The following PEBP4 variants were observed in gnomAD, a reference collection of about 807,000 sequenced individuals.
The protein encoded by PEBP4 is phosphatidylethanolamine binding protein 4.
A neutral mutation model predicts 23.9 loss-of-function variants in PEBP4; 22 were observed. The observed-to-expected ratio is 0.92, with a 90% confidence interval of 0.66 to 1.31. The LOEUF (loss-of-function observed/expected upper bound fraction) is 1.31, where lower values mean the gene tolerates loss of function less well. PEBP4 is among the 40% of genes most tolerant of loss of function. PEBP4 has a pLI of 0.00. For missense variants in PEBP4, 324 were observed against 281.7 expected (o/e 1.15, Z -1.07); for synonymous variants, 112 against 99.3 (o/e 1.13, Z -0.76).
rs1180942992 is a variant in PEBP4, at chr8:22,775,026, A to C, written c.357+42611T>G. 2.6e-5 allele frequency among the ~76,000 whole-genome samples: 4 copies of C among 152,140 alleles called. No homozygotes were observed. The highest frequency in any genetic ancestry group is 2.6e-4 in the Admixed American group (4 of 15,292). ...AGAGATGCCACAGGCCAAGGGGCAA[A>C]GTGGTATCTGTGGAGCTGAGACCCA... On this transcript the variant is annotated intron_variant, in intron 4 of 6. Transcript: ENST00000256404. This position sits in a 1 kb window ranked among gnomAD's most constrained non-coding sequence, Gnocchi z 4.8.
intron 4 of PEBP4, among the ~76,000 whole-genome samples, chr8:22,749,861 C>A (rs1402790922): frequency 7.8e-6 from 1 of 128,442 alleles, no homozygotes; most frequent in Non-Finnish European, 1.6e-5. Context: ...GCCTGGAATG[C>A]AATGGCACGA....
chr8:22,840,162 TCA>T (rs779421504), intron 3 of PEBP4, among the ~76,000 whole-genome samples: 15 of 152,198 alleles, frequency 9.9e-5, no homozygotes, highest in Admixed American at 2.0e-4. Flanking sequence ...CTAACCGTGA[TCA>T]CAGTGTAAAA....
chr8:22,838,138 C>T (rs1435802473), intron 3 of PEBP4, among the ~76,000 whole-genome samples: 4 of 151,988 alleles, frequency 2.6e-5, no homozygotes, highest in Non-Finnish European at 5.9e-5. Flanking sequence ...TGGGCTCCAG[C>T]GATCCTCTCA....
rs1262148177 is a variant in PEBP4 at position 22,775,546 on chromosome 8, A to G, written c.357+42091T>C. The stretch of plus-strand genomic sequence containing the variant: ...GGGAAGCCAGCTGGCTGTGGGCTCT[A>G]TTTCTACTGACAAGGCTTTACCCTG... On this transcript the variant is annotated intron_variant, in intron 4 of 6. Transcript: ENST00000256404. This position sits in a 1 kb window ranked among gnomAD's most constrained non-coding sequence, Gnocchi z 4.8. 6.6e-6 allele frequency among the ~76,000 whole-genome samples: 1 copy of G among 152,038 alleles called. No homozygotes were observed. The highest frequency in any genetic ancestry group is 1.5e-5 in the Non-Finnish European group (1 of 68,004).
intron 2 of PEBP4, among the ~76,000 whole-genome samples, chr8:22,925,563 G>A (rs1809309105): frequency 6.6e-6 from 1 of 152,184 alleles, no homozygotes; most frequent in Non-Finnish European, 1.5e-5. Flanking sequence ...AGAGCACCTG[G>A]CACACAGAAG....
rs33911395 is a variant in PEBP4 at position 22,795,163 on chromosome 8, A to ATTTTTTTTTTTTTTTTT, written c.357+22457_357+22473dup. On this transcript the variant is annotated intron_variant, in intron 4 of 6. Coordinates refer to ENST00000256404, the MANE Select transcript of PEBP4 (RefSeq NM_144962.3). Reference sequence around the variant, plus strand: ...TGTGTGTATATATATATATATATATATTTTTTTTTTTTTTTTTTTTTTTTT... The same window carrying ATTTTTTTTTTTTTTTTT: ...TGTGTGTATATATATATATATATATATTTTTTTTTTTTTTTTTTTTTTTTTTTTTTTTTTTTTTTTTT... Among the ~76,000 whole-genome samples, 3 of 47,346 alleles carry ATTTTTTTTTTTTTTTTT rather than the reference A, an allele frequency of 6.3e-5. 1 individual carries two copies. Among genetic ancestry groups the ATTTTTTTTTTTTTTTTT allele is most frequent in the Non-Finnish European group, 1.0e-4 (3 of 29,362 alleles). The allele number at this position is 47,346 out of a possible 152,430, so 31.1% of individuals were successfully genotyped here. A position where few individuals can be genotyped will look rare whatever the true frequency, so the allele number is the denominator to read the frequency against.
chr8:22,727,111 T>C (rs941733137), intron 5 of PEBP4, 64 bp downstream of exon 5: 2 of 1,577,958 alleles, frequency 1.3e-6, no homozygotes, highest in African/African-American at 2.7e-5. Context: ...ACCATGAGGT[T>C]TTGATTCCTG....
At chr8:22,867,841 CT>C (rs1156857398) in intron 3 of PEBP4, among the ~76,000 whole-genome samples, 1 of 152,166 alleles carries the variant, frequency 6.6e-6, no homozygotes, top group Non-Finnish European at 1.5e-5. Flanking sequence ...GGGCAGTTGA[CT>C]GGATTTCAGG....
At chr8:22,927,460 G>A (rs1048187156) in intron 2 of PEBP4, 124 bp downstream of exon 2, 23 of 1,232,480 alleles carry the variant, frequency 1.9e-5, no homozygotes, top group Admixed American at 2.5e-5. Flanking sequence ...TCTGACACGT[G>A]TTCTGCCTTC....
At chr8:22,807,806 T>TATCC (rs970387238) in intron 4 of PEBP4, among the ~76,000 whole-genome samples, 4 of 151,920 alleles carry the variant, frequency 2.6e-5, no homozygotes, top group African/African-American at 9.7e-5. Context: ...TCCATCCATT[T>TATCC]ATCCATCCAT....
chr8:22,924,038 G>T (rs535798698), intron 2 of PEBP4, among the ~76,000 whole-genome samples: 1 of 152,164 alleles, frequency 6.6e-6, no homozygotes, highest in Non-Finnish European at 1.5e-5. Flanking sequence ...TCGAAGAGGG[G>T]GCTCACTGTG....
chr8:22,781,756 T>A (rs1460289120), intron 4 of PEBP4, among the ~76,000 whole-genome samples: 1 of 152,226 alleles, frequency 6.6e-6, no homozygotes, highest in Non-Finnish European at 1.5e-5. Flanking sequence ...GTCTTTGAAT[T>A]TGGCTCAGGC....
intron 4 of PEBP4, among the ~76,000 whole-genome samples, chr8:22,788,151 G>A (rs1469557466): frequency 6.6e-6 from 1 of 152,128 alleles, no homozygotes; most frequent in Non-Finnish European, 1.5e-5. Flanking sequence ...GGGAACCTGG[G>A]AAGGATGTTG....
chr8:22,877,233 G>C (rs1296963231), intron 3 of PEBP4, among the ~76,000 whole-genome samples: 1 of 152,154 alleles, frequency 6.6e-6, no homozygotes, highest in South Asian at 2.1e-4. Flanking sequence ...TTTTTGTCCA[G>C]TCTCTCCCTG....
intron 4 of PEBP4, among the ~76,000 whole-genome samples, chr8:22,752,180 A>G (rs954450948): frequency 5.9e-5 from 9 of 152,122 alleles, no homozygotes; most frequent in African/African-American, 1.9e-4. Context: ...AAGTGCTGGG[A>G]TCACAGGCGT....
intron 4 of PEBP4, among the ~76,000 whole-genome samples, chr8:22,786,495 G>C (rs578031723): frequency 6.6e-6 from 1 of 152,136 alleles, no homozygotes; most frequent in African/African-American, 2.4e-5. Flanking sequence ...TGTTGCCCAG[G>C]CTGGTCTCGA....
intron 3 of PEBP4, among the ~76,000 whole-genome samples, chr8:22,867,793 A>G (rs117950659): frequency 3.9e-5 from 6 of 152,108 alleles, no homozygotes; most frequent in Non-Finnish European, 7.4e-5. Context: ...AACAAGAGAG[A>G]CTCAGGGATG....
chr8:22,894,558 G>A (rs1808556013), intron 3 of PEBP4, among the ~76,000 whole-genome samples: 1 of 152,162 alleles, frequency 6.6e-6, no homozygotes, highest in South Asian at 2.1e-4. Flanking sequence ...CTCCAGCTTG[G>A]GCAACAGAGT....
chr8:22,755,007 C>T (rs1337343931), intron 4 of PEBP4: 2 of 152,190 alleles, frequency 1.3e-5, no homozygotes, highest in Non-Finnish European at 2.9e-5. Flanking sequence ...TTACTGTCTC[C>T]TGAGAGCCTG....
Sources: allele counts gnomAD v4.1 joint callset (sites outside exome capture counted in the v4.1 genomes callset), GRCh38; gene constraint gnomAD v4.1.1; non-coding constraint Gnocchi (gnomAD v3.1); transcripts MANE v1.5; gene names NCBI Gene and HGNC (gene_info 2026-07-23, HGNC 2026-07-21).